The following MAP4K3 variants were observed in gnomAD, a reference collection of about 807,000 sequenced individuals.
MAP4K3 encodes the protein mitogen-activated protein kinase kinase kinase kinase 3, also known as MAPK/ERK kinase kinase kinase 3.
A neutral mutation model predicts 143.5 loss-of-function variants in MAP4K3; 94 were observed. The observed-to-expected ratio is 0.65, with a 90% CI of 0.55 to 0.78. The LOEUF is 0.78. MAP4K3 is among the 30% of genes least tolerant of loss of function. MAP4K3 has a pLI of 0.00. For synonymous variants in MAP4K3, 416 were observed against 347.2 expected (o/e 1.20, Z -2.20); for missense variants, 1,077 against 1,068.1 (o/e 1.01, Z -0.12).
intron 1 of MAP4K3, among the ~76,000 whole-genome samples, chr2:39,391,784 C>G (rs993658612): frequency 1.3e-5 from 2 of 152,054 alleles, no homozygotes; most frequent in Non-Finnish European, 2.9e-5. Flanking sequence ...ACACTCCCAC[C>G]AAGGCAGATC....
At chr2:39,336,235 G>A (rs916325898) in intron 6 of MAP4K3, among the ~76,000 whole-genome samples, 1 of 152,026 alleles carries the variant, frequency 6.6e-6, no homozygotes, top group African/African-American at 2.4e-5. Flanking sequence ...ACTTTTAGGA[G>A]GCCGAGGTGG....
At chr2:39,355,359 C>CA (rs34355105) in intron 3 of MAP4K3, among the ~76,000 whole-genome samples, 6,978 of 33,146 alleles carry the variant, frequency 0.21, 636 homozygotes, top group Non-Finnish European at 0.26. Context: ...GACTCCACCT[C>CA]AAAAAAAAAA....
At chr2:39,336,471 CAAAAAAA>C (rs55780656) in intron 6 of MAP4K3, among the ~76,000 whole-genome samples, 3 of 38,678 alleles carry the variant, frequency 7.8e-5, no homozygotes, top group African/African-American at 2.9e-4. Flanking sequence ...GACTCCATCT[CAAAAAAA>C]AAAAAAAAAA....
At chr2:39,292,541 C>T (rs926946056) in intron 18 of MAP4K3, among the ~76,000 whole-genome samples, 4 of 152,216 alleles carry the variant, frequency 2.6e-5, no homozygotes, top group African/African-American at 9.6e-5. Flanking sequence ...TGATCTTGAA[C>T]TTCCCACCTC....
chr2:39,404,617 C>CTTTTTTTTTTTTTTTTTTT (rs1174319224), intron 1 of MAP4K3, among the ~76,000 whole-genome samples: 1 of 86,144 alleles, frequency 1.2e-5, no homozygotes, highest in Non-Finnish European at 2.2e-5. Context: ...TTCTTTCTTT[C>CTTTTTTTTTTTTTTTTTTT]TTTTTTTTTT....
Position 39,371,188 on chromosome 2 carries a change from G to T in MAP4K3, c.154+6878C>A, listed in dbSNP as rs567375527. Among the ~76,000 whole-genome samples, 33 of 152,146 alleles carry T rather than the reference G, an allele frequency of 2.2e-4. No individual in the cohort carries two copies. In the South Asian group the frequency reaches 2.7e-3, roughly 12 times the overall value. On this transcript the variant is annotated intron_variant, in intron 2 of 33. Coordinates refer to ENST00000263881, the MANE Select transcript of MAP4K3 (RefSeq NM_003618.4). Reference sequence around the variant, plus strand: ...GGCATCTCACCAAAAGAAAAGATAAGAGTTTTTGTAATATTTTGAATAAAA... The same window carrying T: ...GGCATCTCACCAAAAGAAAAGATAATAGTTTTTGTAATATTTTGAATAAAA...
intron 33 of MAP4K3, among the ~76,000 whole-genome samples, chr2:39,251,348 T>C (rs1680149940): frequency 6.6e-6 from 1 of 152,232 alleles, no homozygotes; most frequent in African/African-American, 2.4e-5. Flanking sequence ...TACATTCCTA[T>C]GTATCTATGC....
chr2:39,360,284 T>G (rs994153321), intron 2 of MAP4K3, among the ~76,000 whole-genome samples: 11 of 152,216 alleles, frequency 7.2e-5, no homozygotes, highest in African/African-American at 2.4e-4. Flanking sequence ...GTTCCTCATC[T>G]CCATCTGACA....
rs1683070729 is a variant in MAP4K3 at position 39,315,169 on chromosome 2, T to C, written c.997+141A>G. On this transcript the variant is annotated intron_variant, in intron 13 of 33. Transcript: ENST00000263881. The stretch of plus-strand genomic sequence containing the variant: ...CACAAGAATAAGGAAAATGAAATTC[T>C]TACTGCCCTAATTAAACTTTACCTT... 5 of 536,802 alleles carry C rather than the reference T, an allele frequency of 9.3e-6. No individual in the cohort carries two copies. In the East Asian group the frequency reaches 1.6e-4, roughly 18 times the overall value. 33.3% of individuals were successfully genotyped at this position (536,802 alleles called of 1,614,324 possible).
At chr2:39,436,816 G>T in intron 1 of MAP4K3, 76 bp downstream of exon 1, 1 of 1,304,650 alleles carries the variant, frequency 7.7e-7, no homozygotes, top group Non-Finnish European at 1.1e-6. Context: ...AGGACAGGCG[G>T]CAAGGGCTCG....
At chr2:39,386,989 T>C (rs1162067863) in intron 1 of MAP4K3, among the ~76,000 whole-genome samples, 2 of 152,130 alleles carry the variant, frequency 1.3e-5, no homozygotes, top group Admixed American at 6.5e-5. Context: ...AATTTTTGTA[T>C]TTTCAGTACA....
intron 1 of MAP4K3, among the ~76,000 whole-genome samples, chr2:39,397,131 T>A (rs1268662724): frequency 6.6e-6 from 1 of 152,218 alleles, no homozygotes; most frequent in African/African-American, 2.4e-5. Context: ...AGGTTCATCA[T>A]GCTACATATC....
At chr2:39,396,945 T>G (rs1666825363) in intron 1 of MAP4K3, among the ~76,000 whole-genome samples, 1 of 152,204 alleles carries the variant, frequency 6.6e-6, no homozygotes, top group Admixed American at 6.5e-5. Context: ...ACCATTTGCT[T>G]TTGAATCATT....
intron 28 of MAP4K3, 21 bp downstream of exon 28, chr2:39,265,182 T>C: frequency 6.4e-6 from 9 of 1,409,136 alleles, no homozygotes; most frequent in Non-Finnish European, 9.0e-6. Context: ...AAGAATAAGA[T>C]AGTCTGACTT....
At chr2:39,407,217 C>T (rs956470739) in intron 1 of MAP4K3, among the ~76,000 whole-genome samples, 5 of 152,174 alleles carry the variant, frequency 3.3e-5, no homozygotes, top group South Asian at 2.1e-4. Flanking sequence ...AGAACTGTGC[C>T]AATATAGCAA....
intron 15 of MAP4K3, among the ~76,000 whole-genome samples, chr2:39,301,876 T>G (rs1320183699): frequency 6.6e-6 from 1 of 151,774 alleles, no homozygotes; most frequent in Non-Finnish European, 1.5e-5. Flanking sequence ...TACAAAAGAT[T>G]AGCTGGGCGT....
At chr2:39,304,315 T>C (rs1327145329) in intron 15 of MAP4K3, among the ~76,000 whole-genome samples, 1 of 152,138 alleles carries the variant, frequency 6.6e-6, no homozygotes, top group Non-Finnish European at 1.5e-5. Flanking sequence ...AAGGGGTAAA[T>C]GTTTCTTCTG....
At chr2:39,322,852 T>C (rs1252341735) in intron 12 of MAP4K3, among the ~76,000 whole-genome samples, 1 of 151,984 alleles carries the variant, frequency 6.6e-6, no homozygotes, top group African/African-American at 2.4e-5. Context: ...GTATTTTTAG[T>C]AGAGACGGGG....
chr2:39,345,400 G>T lies in MAP4K3; in HGVS notation c.246-1948C>A, dbSNP rs376224367. On this transcript the variant is annotated intron_variant, in intron 3 of 33. Transcript: ENST00000263881. The stretch of plus-strand genomic sequence containing the variant: ...CTACCACACTCTGGCCTGGGTGACA[G>T]ACCGAGATCTGAATCTTAAAGAAAA... Among the ~76,000 whole-genome samples, 6 of 152,180 alleles carry T rather than the reference G, an allele frequency of 3.9e-5. No individual in the cohort carries two copies. The East Asian group carries it at 9.7e-4, about 25-fold the overall frequency.
Sources: gnomAD v4.1 joint callset for allele counts (sites outside exome capture counted in the v4.1 genomes callset) on GRCh38, gnomAD v4.1.1 for gene constraint, MANE v1.5 for transcripts, NCBI Gene and HGNC (gene_info 2026-07-23, HGNC 2026-07-21) for gene names.